Variants in DNAH9 observed in about 807,000 individuals in gnomAD.
The protein encoded by DNAH9 is DNAH9 variant protein.
In DNAH9, 345 loss-of-function variants were observed where a neutral mutation model predicts 471.6. That is an observed-to-expected ratio of 0.73 (90% confidence interval 0.67 to 0.80). DNAH9 has a LOEUF of 0.80. Among genes scored for constraint, DNAH9 ranks in the 30% least tolerant of loss-of-function variants. DNAH9 has a pLI of 0.00. For missense variants in DNAH9, 5,407 were observed against 5,609.2 expected (o/e 0.96, Z 1.15); for synonymous variants, 2,093 against 2,123.6 (o/e 0.99, Z 0.40).
chr17:11,603,189 C>T lies in DNAH9; in HGVS notation c.417+4274C>T, dbSNP rs114852983. On this transcript the variant is annotated intron_variant, in intron 1 of 68. Coordinates refer to ENST00000262442, the MANE Select transcript of DNAH9 (RefSeq NM_001372.4). ...GCTCCTCTTTAAATACACGACCTCT[C>T]GAACTGCTAAGTAAGCCTTTTATGT... 2.4e-3 allele frequency among the ~76,000 whole-genome samples: 364 copies of T among 152,316 alleles called. 2 individuals are homozygous for T. The highest frequency in any genetic ancestry group is 7.4e-3 in the African/African-American group (309 of 41,574).
chr17:11,838,659 G>A (rs1970927905), intron 49 of DNAH9, among the ~76,000 whole-genome samples: 1 of 152,134 alleles, frequency 6.6e-6, no homozygotes, highest in Non-Finnish European at 1.5e-5. Flanking sequence ...AGGCTCTAAA[G>A]GTGAGTTGAA....
At chr17:11,621,176 G>A (rs58520801) in intron 6 of DNAH9, among the ~76,000 whole-genome samples, 2,413 of 152,036 alleles carry the variant, frequency 0.016, 58 homozygotes, top group African/African-American at 0.054. Flanking sequence ...TTGGGAGGCT[G>A]AGGCAGGCGA....
At chr17:11,620,054 T>TACA (rs758686522) in intron 6 of DNAH9, 44 of 438,128 alleles carry the variant, frequency 1.0e-4, no homozygotes, top group African/African-American at 4.0e-5. Context: ...CTACAAAAAA[T>TACA]ACAACAACAA....
At position 11,690,214 on chromosome 17, in the gene DNAH9, T is replaced by C; in HGVS notation, c.4392T>C (p.Ser1464=). The change falls in exon 20 of 69, where the codon TCT becomes TCC. Residue 1464 remains serine, a synonymous_variant. Transcript: ENST00000262442. ...GGACCAATGTCCCCCTCCTGTGCTC[T>C]GATGAGGACCTCATAGAGGTTCTGG... ...HPRTNVPLLC[S]DEDLIEVLED... is the part of the protein sequence containing the mutation. 3 of 1,614,198 alleles carry C rather than the reference T, an allele frequency of 1.9e-6. No homozygotes were observed. The highest frequency in any genetic ancestry group is 2.5e-6 in the Non-Finnish European group (3 of 1,180,016).
intron 17 of DNAH9, among the ~76,000 whole-genome samples, chr17:11,676,257 C>T (rs927133993): frequency 6.7e-6 from 1 of 150,060 alleles, no homozygotes; most frequent in Admixed American, 6.7e-5. Context: ...ATGGTGTCTC[C>T]CTCTTTTCAT....
At chr17:11,732,348 G>A (rs8075552) in intron 28 of DNAH9, among the ~76,000 whole-genome samples, 91,864 of 151,924 alleles carry the variant, frequency 0.6, 29,707 homozygotes, top group Admixed American at 0.75. Context: ...AAATCTGAGC[G>A]GGTAACATTT....
chr17:11,656,179 C>T (rs1039363293), intron 14 of DNAH9, among the ~76,000 whole-genome samples: 4 of 152,196 alleles, frequency 2.6e-5, no homozygotes, highest in Non-Finnish European at 5.9e-5. Context: ...ACATTCCCAT[C>T]AGCAGTGTAA....
At chr17:11,757,291 T>G (rs989024875) in intron 34 of DNAH9, among the ~76,000 whole-genome samples, 3 of 152,064 alleles carry the variant, frequency 2.0e-5, no homozygotes, top group African/African-American at 7.2e-5. Context: ...TTTAGGAGGC[T>G]GGGTTGGGCA....
chr17:11,845,859 T>C (rs2150963097), intron 49 of DNAH9, among the ~76,000 whole-genome samples: 1 of 143,646 alleles, frequency 7.0e-6, no homozygotes, highest in African/African-American at 2.6e-5. Context: ...GGTTGTTTTT[T>C]TCTTGTAAAT....
chr17:11,640,983 G>A (rs16945119), intron 10 of DNAH9, among the ~76,000 whole-genome samples: 2,806 of 152,226 alleles, frequency 0.018, 53 homozygotes, highest in East Asian at 0.094. Context: ...GCTGCTAATT[G>A]TGATGTTGTG....
chr17:11,942,486 G>A lies in DNAH9; in HGVS notation c.12843+1G>A, dbSNP rs780282416. On this transcript the variant is annotated splice_donor_variant, in intron 67 of 68. Coordinates refer to ENST00000262442, the MANE Select transcript of DNAH9 (RefSeq NM_001372.4). LOFTEE classifies it high-confidence loss of function. ...GAGGGAGCTGGAGCTCGGCTTAAAGGTGAGCGCGGTCTTGTAAGGCATGGA... is the reference window on the plus strand; with the variant it reads ...GAGGGAGCTGGAGCTCGGCTTAAAGATGAGCGCGGTCTTGTAAGGCATGGA... The A allele has an allele frequency of 1.4e-5, 22 of 1,613,088 alleles. No individual in the cohort carries two copies. Among genetic ancestry groups the A allele is most frequent in the Non-Finnish European group, 1.9e-5 (22 of 1,179,630 alleles).
chr17:11,711,012 T>G (rs762614400), intron 26 of DNAH9, among the ~76,000 whole-genome samples: 1 of 152,212 alleles, frequency 6.6e-6, no homozygotes, highest in African/African-American at 2.4e-5. Flanking sequence ...GAATGTTGAC[T>G]TATTTCTTGC....
chr17:11,831,144 A>G (rs1442165907), intron 48 of DNAH9, among the ~76,000 whole-genome samples: 1 of 152,208 alleles, frequency 6.6e-6, no homozygotes, highest in Admixed American at 6.5e-5. Flanking sequence ...AGTCCCGTTT[A>G]TATTGCTATA....
At position 11,962,948 on chromosome 17, in the gene DNAH9, GAGA is replaced by G. The variant is rs1278159785; in HGVS notation, c.13233+696_13233+698del. Among the ~76,000 whole-genome samples the G allele has an allele frequency of 2.0e-5, 3 of 152,182 alleles. No individual in the cohort carries two copies. Among genetic ancestry groups the G allele is most frequent in the African/African-American group, 7.2e-5 (3 of 41,454 alleles). ...TAAAAACGTGAGTCACATGAGATTGGAGAAGATGTTTTGTCACCAATAAGAATA... is the reference window on the plus strand; with the variant it reads ...TAAAAACGTGAGTCACATGAGATTGGAGATGTTTTGTCACCAATAAGAATA... On this transcript the variant is annotated intron_variant, in intron 68 of 68. Transcript: ENST00000262442. The surrounding 1 kb of genome is among the most constrained non-coding windows in gnomAD (Gnocchi z 4.1).
rs1430725668 is a variant in DNAH9, at chr17:11,797,799, T to G, written c.8420+6T>G. On this transcript the variant is annotated splice_donor_region_variant and intron_variant, in intron 43 of 68. Transcript: ENST00000262442. ...GAGGATGCCATGCGCCATGTGTAAGTGTGCTTCTCCTCTTCCTTTTCCTCA... is the reference window on the plus strand; with the variant it reads ...GAGGATGCCATGCGCCATGTGTAAGGGTGCTTCTCCTCTTCCTTTTCCTCA... 3 of 1,610,912 alleles carry G rather than the reference T, an allele frequency of 1.9e-6. No individual in the cohort carries two copies. Among genetic ancestry groups the G allele is most frequent in the African/African-American group, 1.3e-5 (1 of 74,804 alleles).
At chr17:11,696,183 A>T (rs964987405) in intron 22 of DNAH9, among the ~76,000 whole-genome samples, 5 of 152,130 alleles carry the variant, frequency 3.3e-5, no homozygotes, top group Non-Finnish European at 1.5e-5. Flanking sequence ...ACATTCATGC[A>T]TGTACAGTTT....
intron 28 of DNAH9, 73 bp from the exon 29 acceptor site, chr17:11,738,807 G>T: frequency 7.4e-7 from 1 of 1,357,690 alleles, no homozygotes; most frequent in Non-Finnish European, 1.0e-6. Flanking sequence ...TGACTACAGG[G>T]TTCCAGCTTT....
chr17:11,707,312 G>T (rs2074721004), intron 26 of DNAH9, among the ~76,000 whole-genome samples: 1 of 152,128 alleles, frequency 6.6e-6, no homozygotes, highest in Non-Finnish European at 1.5e-5. Context: ...GCTATTTTTT[G>T]ACTTTTCTCT....
intron 49 of DNAH9, among the ~76,000 whole-genome samples, chr17:11,848,246 T>C (rs1338532678): frequency 1.3e-5 from 2 of 152,166 alleles, no homozygotes; most frequent in Non-Finnish European, 2.9e-5. Context: ...AGTAGAAATG[T>C]AGGCAAAGGA....
Sources: allele counts gnomAD v4.1 joint callset (sites outside exome capture counted in the v4.1 genomes callset), GRCh38; gene constraint gnomAD v4.1.1; non-coding constraint Gnocchi (gnomAD v3.1); transcripts MANE v1.5; gene names NCBI Gene and HGNC (gene_info 2026-07-23, HGNC 2026-07-21).